Variants in NRIP1 observed in about 807,000 individuals in gnomAD.
NRIP1 encodes the protein nuclear receptor-interacting protein 1.
In NRIP1, 28 loss-of-function variants were observed where a neutral mutation model predicts 75.0. That is an observed-to-expected ratio of 0.37 (90% confidence interval 0.28 to 0.51). The LOEUF (loss-of-function observed/expected upper bound fraction) is 0.51, where lower values mean the gene tolerates loss of function less well. Among genes scored for constraint, NRIP1 ranks in the 20% least tolerant of loss-of-function variants. The pLI, the probability that NRIP1 is intolerant of heterozygous loss-of-function variation, is 0.92. For missense variants in NRIP1, 1,435 were observed against 1,343.7 expected, an observed-to-expected ratio of 1.07 and a Z score of -1.06; for synonymous variants, 526 against 487.6, an observed-to-expected ratio of 1.08 and a Z score of -1.04.
intron 3 of NRIP1, among the ~76,000 whole-genome samples, chr21:14,985,369 C>T (rs111383592): frequency 1.1e-3 from 172 of 152,154 alleles, no homozygotes; most frequent in African/African-American, 4.1e-3. Flanking sequence ...AATAAAAAGG[C>T]ACAAAATTAA....
At chr21:14,992,623 C>G (rs1198209202) in intron 3 of NRIP1, 1 of 151,888 alleles carries the variant, frequency 6.6e-6, no homozygotes, top group Admixed American at 6.6e-5. Context: ...CCGCTCACTG[C>G]CCCCCAGAAA....
At chr21:15,014,891 A>T (rs536497561) in intron 2 of NRIP1, among the ~76,000 whole-genome samples, 1 of 151,488 alleles carries the variant, frequency 6.6e-6, no homozygotes, top group African/African-American at 2.4e-5. Flanking sequence ...CAAAATACCA[A>T]GTATGTAATC....
intron 1 of NRIP1, among the ~76,000 whole-genome samples, chr21:15,046,170 C>T (rs189125362): frequency 6.6e-6 from 1 of 152,312 alleles, no homozygotes; most frequent in East Asian, 1.9e-4. Context: ...ATTGCCTTTG[C>T]CCAGATCCAT....
At chr21:15,048,548 C>T (rs961148843) in intron 1 of NRIP1, among the ~76,000 whole-genome samples, 6 of 152,140 alleles carry the variant, frequency 3.9e-5, no homozygotes, top group African/African-American at 1.4e-4. Flanking sequence ...CTGAAGAGAC[C>T]TCCAGGTGAT....
chr21:15,013,721 T>C (rs1030060091), intron 3 of NRIP1, among the ~76,000 whole-genome samples: 1 of 152,210 alleles, frequency 6.6e-6, no homozygotes, highest in African/African-American at 2.4e-5. Context: ...GTCTTTTTTG[T>C]TGCTCTGCCC....
intron 2 of NRIP1, among the ~76,000 whole-genome samples, chr21:15,027,689 C>T (rs1203922912): frequency 6.6e-6 from 1 of 152,160 alleles, no homozygotes; most frequent in Non-Finnish European, 1.5e-5. Context: ...GAAAGATGAT[C>T]ATTTTGCAAA....
At chr21:15,015,691 A>G (rs1473486228) in intron 2 of NRIP1, among the ~76,000 whole-genome samples, 2 of 152,164 alleles carry the variant, frequency 1.3e-5, no homozygotes, top group African/African-American at 2.4e-5. Context: ...ATATGAAATT[A>G]TATACTATAT....
At chr21:15,033,972 CAAATAT>C (rs1276467105) in intron 2 of NRIP1, among the ~76,000 whole-genome samples, 1 of 152,156 alleles carries the variant, frequency 6.6e-6, no homozygotes, top group Admixed American at 6.5e-5. Context: ...GCTAAAGACA[CAAATAT>C]AATTACAAGT....
chr21:14,975,667 GAGAGAA>G (rs1275308603), intron 3 of NRIP1, among the ~76,000 whole-genome samples: 3 of 136,942 alleles, frequency 2.2e-5, no homozygotes, highest in African/African-American at 6.4e-5. Flanking sequence ...GGGAGAGAGA[GAGAGAA>G]AGAAAGAAAG....
At chr21:15,036,372 T>G (rs1358087456) in intron 2 of NRIP1, among the ~76,000 whole-genome samples, 1 of 152,212 alleles carries the variant, frequency 6.6e-6, no homozygotes, top group Non-Finnish European at 1.5e-5. Context: ...AAATTCAGTT[T>G]CTGCTACTAC....
intron 1 of NRIP1, chr21:15,050,087 T>A (rs2089169231): frequency 6.6e-6 from 1 of 152,422 alleles, no homozygotes; most frequent in Non-Finnish European, 1.5e-5. Flanking sequence ...TATTGTTATC[T>A]ACATATAACT....
rs796605062 is a variant in NRIP1 at position 15,011,390 on chromosome 21, C to T, written c.-335+2954G>A. On this transcript the variant is annotated intron_variant, in intron 3 of 3. Coordinates refer to ENST00000318948, the MANE Select transcript of NRIP1 (RefSeq NM_003489.4). The stretch of plus-strand genomic sequence containing the variant: ...ATTTTTAGTACAGACAGGGTTTCAC[C>T]GTGTCAGCCAGGATGGTCTCGATCT... Among the ~76,000 whole-genome samples the T allele has an allele frequency of 1.8e-4, 27 of 152,246 alleles. No individual in the cohort carries two copies. The South Asian group carries it at 4.1e-3, about 23-fold the overall frequency.
intron 2 of NRIP1, among the ~76,000 whole-genome samples, chr21:15,028,654 T>A (rs2088577240): frequency 6.6e-6 from 1 of 152,228 alleles, no homozygotes; most frequent in Non-Finnish European, 1.5e-5. Context: ...TTTATTTGAA[T>A]ACTCTTATTT....
At chr21:15,063,010 G>A (rs1978454202) in intron 1 of NRIP1, among the ~76,000 whole-genome samples, 1 of 151,814 alleles carries the variant, frequency 6.6e-6, no homozygotes, top group African/African-American at 2.4e-5. Context: ...AATCAACAAC[G>A]AACAGTCCTT....
rs150993445 is a variant in NRIP1, at chr21:14,967,333, G to A, written c.860C>T (p.Thr287Met). 63 of 1,613,950 alleles carry A rather than the reference G, an allele frequency of 3.9e-5. 1 individual carries two copies. Among genetic ancestry groups the A allele is most frequent in the South Asian group, 7.7e-5 (7 of 91,088 alleles). ...ACTTGCTGCTTGATTTGCATTTTGC[G>A]TTTTTAAAGCGTGTTCTCGAGAATA... ...QQYSREHALK[T>M]QNANQAASER... Residue 287 changes from threonine (T) to methionine (M), a missense_variant, in exon 4 of 4, where the codon ACG (threonine) becomes ATG (methionine). By Grantham distance (81) the Thr-to-Met change is moderately conservative. Coordinates refer to ENST00000318948, the MANE Select transcript of NRIP1 (RefSeq NM_003489.4).
At chr21:14,977,092 T>C (rs1196735231) in intron 3 of NRIP1, among the ~76,000 whole-genome samples, 1 of 152,236 alleles carries the variant, frequency 6.6e-6, no homozygotes, top group Non-Finnish European at 1.5e-5. Flanking sequence ...TACTTAATTA[T>C]GTCATTCAAG....
chr21:15,049,603 A>C (rs1175549345), intron 1 of NRIP1, among the ~76,000 whole-genome samples: 1 of 152,146 alleles, frequency 6.6e-6, no homozygotes, highest in African/African-American at 2.4e-5. Flanking sequence ...GTACATATGC[A>C]GACTGTGAAG....
chr21:15,056,346 A>G (rs2089306673), intron 1 of NRIP1, among the ~76,000 whole-genome samples: 1 of 152,056 alleles, frequency 6.6e-6, no homozygotes, highest in Admixed American at 6.5e-5. Flanking sequence ...AAGTATTACC[A>G]GGATAGATAA....
chr21:14,968,470 A>G lies in NRIP1; in HGVS notation c.-278T>C. 1 of 313,460 alleles carries G rather than the reference A, an allele frequency of 3.2e-6. No individual in the cohort carries two copies. The highest frequency in any genetic ancestry group is 6.2e-6 in the Non-Finnish European group (1 of 161,168). 19.4% of individuals were successfully genotyped at this position (313,460 alleles called of 1,614,324 possible). On this transcript the variant is annotated 5_prime_UTR_variant, in exon 4 of 4. Transcript: ENST00000318948. The stretch of plus-strand genomic sequence containing the variant: ...AGTAAGCAGATAGAATCCTTAGTGA[A>G]TATATTCCTTTTCCTTCTTCATCTT...
Sources: allele counts gnomAD v4.1 joint callset (sites outside exome capture counted in the v4.1 genomes callset), GRCh38; gene constraint gnomAD v4.1.1; transcripts MANE v1.5; gene names NCBI Gene and HGNC (gene_info 2026-07-23, HGNC 2026-07-21).